The following MMP26 variants were observed in gnomAD, a reference collection of about 807,000 sequenced individuals.
MMP26 encodes the protein matrix metallopeptidase 26.
MMP26 carries 33 observed loss-of-function variants against 31.0 expected under a neutral mutation model. That is an observed-to-expected ratio of 1.06 (90% CI 0.81 to 1.42). The LOEUF (loss-of-function observed/expected upper bound fraction) is 1.42, where lower values mean the gene tolerates loss of function less well. Ranked by LOEUF, MMP26 falls within the 40% of genes most tolerant of loss-of-function variation. MMP26 has a pLI of 0.00. For missense variants in MMP26, 347 were observed against 316.1 expected, an observed-to-expected ratio of 1.10 and a Z score of -0.74; for synonymous variants, 122 against 114.9, an observed-to-expected ratio of 1.06 and a Z score of -0.40.
chr11:4,987,883 C>G (rs1301337058), intron 2 of MMP26, among the ~76,000 whole-genome samples, 185 bp from the exon 3 acceptor site: 2 of 152,144 alleles, frequency 1.3e-5, no homozygotes, highest in Non-Finnish European at 2.9e-5. Context: ...CGACACACCT[C>G]CTGTTTCTTG....
intron 2 of MMP26, among the ~76,000 whole-genome samples, chr11:4,933,527 GT>G (rs71050439): frequency 0.31 from 45,339 of 145,736 alleles, 7,058 homozygotes; most frequent in South Asian, 0.53. Context: ...TATTTTTTTT[GT>G]TTTTTTTTTT....
chr11:4,792,758 C>A (rs1283568697), intron 2 of MMP26, among the ~76,000 whole-genome samples: 2 of 152,122 alleles, frequency 1.3e-5, no homozygotes, highest in Non-Finnish European at 2.9e-5. Flanking sequence ...AAACAGTGAT[C>A]CTTTAGCTGC....
intron 2 of MMP26, among the ~76,000 whole-genome samples, chr11:4,866,301 T>G (rs1850233661): frequency 6.6e-6 from 1 of 152,094 alleles, no homozygotes; most frequent in Non-Finnish European, 1.5e-5. Context: ...TTCATACAAG[T>G]TACTAAAAAT....
intron 2 of MMP26, among the ~76,000 whole-genome samples, chr11:4,966,214 C>G (rs1048623222): frequency 6.6e-6 from 1 of 152,082 alleles, no homozygotes; most frequent in Non-Finnish European, 1.5e-5. Flanking sequence ...AGATTAGACT[C>G]AACAAATACA....
At chr11:4,982,479 C>T (rs567367188) in intron 2 of MMP26, among the ~76,000 whole-genome samples, 1 of 152,256 alleles carries the variant, frequency 6.6e-6, no homozygotes, top group Admixed American at 6.5e-5. Flanking sequence ...TTAAAAATTG[C>T]AGGCTCTGGC....
chr11:4,881,925 C>T (rs770458692), intron 2 of MMP26: 35 of 1,612,900 alleles, frequency 2.2e-5, no homozygotes, highest in Admixed American at 6.7e-5. Context: ...AACACCACTT[C>T]GTCTTCCTCA....
intron 2 of MMP26, among the ~76,000 whole-genome samples, chr11:4,940,518 A>G (rs1196365299): frequency 2.0e-5 from 3 of 152,206 alleles, no homozygotes; most frequent in Non-Finnish European, 4.4e-5. Flanking sequence ...ATACTTTGCT[A>G]TAAAATCAGT....
chr11:4,987,543 C>CCTCCT (rs879900048), intron 2 of MMP26, among the ~76,000 whole-genome samples: 1 of 151,958 alleles, frequency 6.6e-6, no homozygotes, highest in Non-Finnish European at 1.5e-5. Context: ...CTCAGCCTCC[C>CCTCCT]GAGTAGCTGG....
At chr11:4,883,386 A>T (rs867313604) in intron 2 of MMP26, among the ~76,000 whole-genome samples, 1 of 152,164 alleles carries the variant, frequency 6.6e-6, no homozygotes, top group Non-Finnish European at 1.5e-5. Context: ...CATTGGTTTC[A>T]GTTCCTGGTG....
At chr11:4,757,132 A>G (rs935168513) in intron 1 of MMP26, among the ~76,000 whole-genome samples, 2 of 152,182 alleles carry the variant, frequency 1.3e-5, no homozygotes, top group Non-Finnish European at 2.9e-5. Flanking sequence ...GGACAGTCAT[A>G]CAGATTAATA....
intron 2 of MMP26, among the ~76,000 whole-genome samples, chr11:4,986,062 C>G (rs1846881632): frequency 6.6e-6 from 1 of 152,188 alleles, no homozygotes. Flanking sequence ...TATCTCTCAT[C>G]TATCTGTTGA....
At chr11:4,986,193 T>C (rs1257693882) in intron 2 of MMP26, among the ~76,000 whole-genome samples, 3 of 152,204 alleles carry the variant, frequency 2.0e-5, no homozygotes, top group African/African-American at 7.2e-5. Context: ...TTCACCTCTT[T>C]GAGTCTCATT....
intron 1 of MMP26, among the ~76,000 whole-genome samples, chr11:4,715,152 A>G (rs1847911409): frequency 6.6e-6 from 1 of 152,124 alleles, no homozygotes; most frequent in South Asian, 2.1e-4. Flanking sequence ...GTATGCCCAT[A>G]CTTCTCAAAA....
chr11:4,884,374 G>T (rs1403412750), intron 2 of MMP26, among the ~76,000 whole-genome samples: 1 of 152,084 alleles, frequency 6.6e-6, no homozygotes, highest in Admixed American at 6.6e-5. Flanking sequence ...CCACAGTTCA[G>T]TATTTTACCT....
chr11:4,851,767 A>T (rs1849978822), intron 2 of MMP26, among the ~76,000 whole-genome samples: 1 of 152,074 alleles, frequency 6.6e-6, no homozygotes, highest in Admixed American at 6.6e-5. Flanking sequence ...TTATATAGTA[A>T]TGTGCATATT....
intron 2 of MMP26, among the ~76,000 whole-genome samples, chr11:4,782,898 A>G (rs1199360727): frequency 2.5e-4 from 38 of 152,232 alleles, no homozygotes; most frequent in Non-Finnish European, 1.5e-5. Flanking sequence ...TTGCAAGTGC[A>G]CAGAAGTTAA....
intron 2 of MMP26, among the ~76,000 whole-genome samples, chr11:4,961,417 A>G (rs1846519228): frequency 6.6e-6 from 1 of 152,102 alleles, no homozygotes; most frequent in African/African-American, 2.4e-5. Flanking sequence ...ACACGCACAC[A>G]CTGATCTCCT....
chr11:4,941,153 C>G (rs190338544), intron 2 of MMP26, among the ~76,000 whole-genome samples: 1 of 152,278 alleles, frequency 6.6e-6, no homozygotes, highest in African/African-American at 2.4e-5. Flanking sequence ...GTCCCTTAGT[C>G]AATCCTGCTT....
intron 2 of MMP26, chr11:4,907,495 C>T (rs1850915291): frequency 1.1e-5 from 18 of 1,614,006 alleles, no homozygotes; most frequent in Non-Finnish European, 1.4e-5. Context: ...TCATGGGCAA[C>T]TGCACCATTC....
Sources: allele counts gnomAD v4.1 joint callset (sites outside exome capture counted in the v4.1 genomes callset), GRCh38; gene constraint gnomAD v4.1.1; transcripts MANE v1.5; gene names NCBI Gene and HGNC (gene_info 2026-07-23, HGNC 2026-07-21).